GNS: variants seen among roughly 807,000 people sequenced by gnomAD.
GNS encodes glucosamine (N-acetyl)-6-sulfatase, also known as N-acetylglucosamine-6-sulfatase.
GNS carries 40 observed loss-of-function variants against 69.7 expected under a neutral mutation model. That is an observed-to-expected ratio of 0.57 (90% CI 0.45 to 0.75). The LOEUF (loss-of-function observed/expected upper bound fraction) is 0.75, where lower values mean the gene tolerates loss of function less well. Among genes scored for constraint, GNS ranks in the 30% least tolerant of loss-of-function variants. The pLI is 0.00. For missense variants in GNS, 565 were observed against 685.5 expected (o/e 0.82, Z 1.96); for synonymous variants, 243 against 251.6 (o/e 0.97, Z 0.32).
chr12:64,737,652 T>C (rs1256373548), intron 8 of GNS, among the ~76,000 whole-genome samples: 4 of 152,040 alleles, frequency 2.6e-5, no homozygotes, highest in Non-Finnish European at 1.5e-5. Context: ...ACAGAAAAGC[T>C]CATAGGAAGA....
At chr12:64,730,747 TC>T (rs1029020709) in intron 9 of GNS, among the ~76,000 whole-genome samples, 2 of 152,020 alleles carry the variant, frequency 1.3e-5, no homozygotes, top group African/African-American at 4.8e-5. Flanking sequence ...AAAACAGTCA[TC>T]AAGTGTGAAT....
intron 12 of GNS, among the ~76,000 whole-genome samples, chr12:64,720,767 A>T (rs142442188): frequency 6.6e-6 from 1 of 152,210 alleles, no homozygotes; most frequent in Non-Finnish European, 1.5e-5. Flanking sequence ...TTTTCCCTCT[A>T]TAATCTGTAT....
chr12:64,727,705 A>T (rs1869251773), intron 10 of GNS, among the ~76,000 whole-genome samples: 1 of 152,172 alleles, frequency 6.6e-6, no homozygotes, highest in Non-Finnish European at 1.5e-5. Flanking sequence ...TACAGACGTA[A>T]AGAAGATTCA....
intron 1 of GNS, chr12:64,756,904 C>T: frequency 5.2e-6 from 3 of 576,084 alleles, no homozygotes; most frequent in Non-Finnish European, 9.1e-6. Flanking sequence ...CCTGTAATCC[C>T]AGCACTTTGG....
At chr12:64,747,529 T>C (rs1869931359) in intron 3 of GNS, among the ~76,000 whole-genome samples, 183 bp downstream of exon 3, 1 of 152,228 alleles carries the variant, frequency 6.6e-6, no homozygotes, top group Non-Finnish European at 1.5e-5. Flanking sequence ...ATCATGTAAA[T>C]ATGTACATGT....
intron 1 of GNS, chr12:64,756,516 A>G: frequency 1.9e-6 from 1 of 529,704 alleles, no homozygotes. Context: ...CTGAGGTCAT[A>G]AGATACCCAG....
At chr12:64,752,472 TAA>T (rs1870110021) in intron 2 of GNS, among the ~76,000 whole-genome samples, 1 of 152,204 alleles carries the variant, frequency 6.6e-6, no homozygotes, top group Non-Finnish European at 1.5e-5. Flanking sequence ...AGGTTTAAAA[TAA>T]AATTCTCTAG....
At chr12:64,738,728 G>T (rs571581334) in intron 8 of GNS, among the ~76,000 whole-genome samples, 1 of 152,066 alleles carries the variant, frequency 6.6e-6, no homozygotes. Context: ...CAGGAGAATT[G>T]CTTGAATCTG....
chr12:64,749,366 C>T (rs186877979), intron 2 of GNS, among the ~76,000 whole-genome samples: 290 of 150,524 alleles, frequency 1.9e-3, no homozygotes, highest in African/African-American at 6.9e-3. Flanking sequence ...CATTCTCCTG[C>T]CTCAGCCTCC....
At chr12:64,753,567 A>G (rs1180950109) in intron 1 of GNS, among the ~76,000 whole-genome samples, 1 of 152,228 alleles carries the variant, frequency 6.6e-6, no homozygotes, top group Non-Finnish European at 1.5e-5. Flanking sequence ...TGATTCTGAG[A>G]TACCTTTGAA....
At chr12:64,744,379 C>T (rs1220284104) in intron 5 of GNS, among the ~76,000 whole-genome samples, 1 of 152,178 alleles carries the variant, frequency 6.6e-6, no homozygotes, top group Non-Finnish European at 1.5e-5. Context: ...ATTTCACCTG[C>T]TTTCAGTAAT....
At chr12:64,730,631 G>A (rs1869361933) in intron 9 of GNS, among the ~76,000 whole-genome samples, 1 of 152,112 alleles carries the variant, frequency 6.6e-6, no homozygotes, top group South Asian at 2.1e-4. Flanking sequence ...CTCAGTGGGG[G>A]AAAAACCTCA....
chr12:64,739,760 GTTAA>G (rs753336116), intron 7 of GNS, among the ~76,000 whole-genome samples: 7 of 152,068 alleles, frequency 4.6e-5, no homozygotes, highest in Non-Finnish European at 7.4e-5. Flanking sequence ...TCATTCCAAA[GTTAA>G]TTGTTTCCAA....
chr12:64,750,501 A>AT (rs1870044465), intron 2 of GNS, among the ~76,000 whole-genome samples: 1 of 152,202 alleles, frequency 6.6e-6, no homozygotes, highest in Non-Finnish European at 1.5e-5. Context: ...TTTTAAAAAA[A>AT]TTACTTTGAT....
In GNS at chr12:64,737,310, C is replaced by G. The variant is rs114429281; in HGVS notation, c.995-203G>C. Among the ~76,000 whole-genome samples the G allele has an allele frequency of 3.7e-3, 567 of 152,254 alleles. 3 individuals are homozygous for G. The highest frequency in any genetic ancestry group is 0.012 in the African/African-American group (482 of 41,550). On this transcript the variant is annotated intron_variant, in intron 8 of 13. Coordinates refer to ENST00000258145, the MANE Select transcript of GNS (RefSeq NM_002076.4). ...AAATTCATCTTCTCTAAACAAATGA[C>G]TAGAAGGGACTCCCTGGCTTATGAT...
At chr12:64,750,033 A>G (rs1870027650) in intron 2 of GNS, among the ~76,000 whole-genome samples, 1 of 151,848 alleles carries the variant, frequency 6.6e-6, no homozygotes. Flanking sequence ...GTGCACCACC[A>G]TGCCTCTGTT....
At chr12:64,743,949 G>A (rs1329627688) in intron 5 of GNS, among the ~76,000 whole-genome samples, 1 of 152,170 alleles carries the variant, frequency 6.6e-6, no homozygotes, top group African/African-American at 2.4e-5. Context: ...GATACTGACT[G>A]TATCTATCTC....
At chr12:64,732,460 G>A (rs111865095) in intron 9 of GNS, among the ~76,000 whole-genome samples, 2,867 of 147,394 alleles carry the variant, frequency 0.019, 43 homozygotes, top group African/African-American at 0.032. Flanking sequence ...GAACCACCGC[G>A]CCCAGCCTCT....
At chr12:64,718,073 G>T (rs1047629343) in intron 13 of GNS, among the ~76,000 whole-genome samples, 3 of 152,230 alleles carry the variant, frequency 2.0e-5, no homozygotes, top group Admixed American at 6.5e-5. Context: ...ACGAATGTGT[G>T]AGGCTGTGTT....
Sources: allele counts gnomAD v4.1 joint callset (sites outside exome capture counted in the v4.1 genomes callset), GRCh38; gene constraint gnomAD v4.1.1; transcripts MANE v1.5; gene names NCBI Gene and HGNC (gene_info 2026-07-23, HGNC 2026-07-21).